Variants in CNTN5 observed in about 807,000 individuals in gnomAD.
CNTN5 encodes contactin 5, also known as contactin-5.
A neutral mutation model predicts 129.1 loss-of-function variants in CNTN5; 77 were observed. The ratio of observed to expected loss-of-function variants is 0.60; its 90% CI spans 0.50 to 0.72. The LOEUF is 0.72. Ranked by LOEUF, CNTN5 falls within the 30% of genes least tolerant of loss-of-function variation. CNTN5 has a pLI of 0.00. For synonymous variants in CNTN5, 509 were observed against 465.6 expected (o/e 1.09, Z -1.20); for missense variants, 1,478 against 1,328.8 (o/e 1.11, Z -1.75).
At chr11:99,202,096 A>G (rs894526401) in intron 1 of CNTN5, among the ~76,000 whole-genome samples, 2 of 152,210 alleles carry the variant, frequency 1.3e-5, no homozygotes, top group African/African-American at 4.8e-5. Flanking sequence ...ACATGATTTT[A>G]TGATCAGTTC....
chr11:100,284,824 A>G (rs1950731028), intron 18 of CNTN5, among the ~76,000 whole-genome samples: 1 of 152,334 alleles, frequency 6.6e-6, no homozygotes, highest in Non-Finnish European at 1.5e-5. Context: ...AATTATATAT[A>G]CACACATGAA....
chr11:99,957,118 A>G (rs1950824355), intron 8 of CNTN5, 109 bp downstream of exon 8: 1 of 972,936 alleles, frequency 1.0e-6, no homozygotes, highest in South Asian at 1.7e-5. Context: ...TAAAATAAAA[A>G]GGCATTTGCC....
At chr11:99,651,143 C>T (rs1343946691) in intron 3 of CNTN5, among the ~76,000 whole-genome samples, 1 of 151,814 alleles carries the variant, frequency 6.6e-6, no homozygotes, top group Non-Finnish European at 1.5e-5. Context: ...ATGCAAGATA[C>T]AGGTGAATAA....
At chr11:99,849,157 A>T (rs922680880) in intron 6 of CNTN5, among the ~76,000 whole-genome samples, 5 of 151,814 alleles carry the variant, frequency 3.3e-5, no homozygotes, top group Non-Finnish European at 4.4e-5. Context: ...ATACTAACAT[A>T]ATATCAAATT....
intron 6 of CNTN5, among the ~76,000 whole-genome samples, chr11:99,880,916 G>A (rs1948755937): frequency 6.6e-6 from 1 of 152,050 alleles, no homozygotes; most frequent in Non-Finnish European, 1.5e-5. Flanking sequence ...TAAAAAAATT[G>A]TCTCTCTTTG....
chr11:99,366,966 G>C (rs1327832879), intron 2 of CNTN5, among the ~76,000 whole-genome samples: 3 of 152,066 alleles, frequency 2.0e-5, no homozygotes, highest in Non-Finnish European at 4.4e-5. Flanking sequence ...CGACAGATAG[G>C]GCTCATCGTA....
chr11:99,439,793 G>A (rs962044603), intron 2 of CNTN5, among the ~76,000 whole-genome samples: 8 of 150,936 alleles, frequency 5.3e-5, no homozygotes, highest in Admixed American at 2.0e-4. Context: ...AGTATTTTTA[G>A]ATAAGATACA....
intron 2 of CNTN5, among the ~76,000 whole-genome samples, chr11:99,479,235 T>C (rs544327135): frequency 3.0e-4 from 45 of 151,796 alleles, no homozygotes; most frequent in African/African-American, 1.1e-3. Context: ...CCAATAACTT[T>C]TAATCTATCA....
At chr11:99,784,858 G>C (rs1404306512) in intron 3 of CNTN5, among the ~76,000 whole-genome samples, 1 of 133,356 alleles carries the variant, frequency 7.5e-6, no homozygotes, top group Non-Finnish European at 1.5e-5. Context: ...GGAGTACAGT[G>C]ACGCGATCTC....
chr11:99,387,203 TA>T (rs1381710389), intron 2 of CNTN5, among the ~76,000 whole-genome samples: 3 of 152,156 alleles, frequency 2.0e-5, no homozygotes, highest in Non-Finnish European at 2.9e-5. Context: ...TAAGAAATGG[TA>T]ACAATTAATC....
intron 1 of CNTN5, among the ~76,000 whole-genome samples, chr11:99,204,429 A>C (rs1298229729): frequency 6.6e-6 from 1 of 152,138 alleles, no homozygotes; most frequent in South Asian, 2.1e-4. Context: ...TTTCCCCTCT[A>C]ACAGTTACAA....
intron 3 of CNTN5, among the ~76,000 whole-genome samples, chr11:99,620,714 C>CG: frequency 6.6e-6 from 1 of 151,778 alleles, no homozygotes; most frequent in South Asian, 2.1e-4. Context: ...GCCCCCGCTC[C>CG]CCCCCGGCCA....
intron 7 of CNTN5, among the ~76,000 whole-genome samples, chr11:99,944,439 T>C (rs932471004): frequency 6.6e-6 from 1 of 152,060 alleles, no homozygotes; most frequent in East Asian, 1.9e-4. Flanking sequence ...AGCATTCTCC[T>C]TGAAAACCAG....
intron 3 of CNTN5, among the ~76,000 whole-genome samples, chr11:99,658,390 G>A (rs1952460837): frequency 6.6e-6 from 1 of 152,104 alleles, no homozygotes; most frequent in East Asian, 1.9e-4. Flanking sequence ...GCTTCGTGTA[G>A]GCTGTCTGGA....
intron 16 of CNTN5, among the ~76,000 whole-genome samples, chr11:100,249,053 C>T (rs1194032273): frequency 1.3e-5 from 2 of 152,140 alleles, no homozygotes. Context: ...ACTACTTCCT[C>T]ATCTGAAAAA....
chr11:99,978,532 T>G (rs1938137869), intron 8 of CNTN5, among the ~76,000 whole-genome samples: 1 of 152,204 alleles, frequency 6.6e-6, no homozygotes, highest in Admixed American at 6.5e-5. Flanking sequence ...TATATCATAT[T>G]TTATCATACC....
At chr11:99,661,079 C>G (rs1446693740) in intron 3 of CNTN5, among the ~76,000 whole-genome samples, 1 of 152,016 alleles carries the variant, frequency 6.6e-6, no homozygotes, top group Non-Finnish European at 1.5e-5. Flanking sequence ...CAGCTCAATT[C>G]TAAACCATTT....
chr11:99,786,647 C>T (rs191362252), intron 3 of CNTN5, among the ~76,000 whole-genome samples: 1 of 152,040 alleles, frequency 6.6e-6, no homozygotes, highest in East Asian at 1.9e-4. Flanking sequence ...GTACTGGTAC[C>T]AAAACAGACA....
intron 13 of CNTN5, among the ~76,000 whole-genome samples, chr11:100,104,166 C>T (rs553402496): frequency 1.3e-5 from 2 of 150,772 alleles, no homozygotes; most frequent in South Asian, 2.1e-4. Flanking sequence ...GAGATCTCCG[C>T]TCACTGCAAC....
Sources: gnomAD v4.1 joint callset for allele counts (sites outside exome capture counted in the v4.1 genomes callset) on GRCh38, gnomAD v4.1.1 for gene constraint, MANE v1.5 for transcripts, NCBI Gene and HGNC (gene_info 2026-07-23, HGNC 2026-07-21) for gene names.